Variants in RPS6KC1 observed in about 807,000 individuals in gnomAD.
RPS6KC1 encodes the protein ribosomal protein S6 kinase C1, also known as inactive ribosomal protein S6 kinase delta-1.
In RPS6KC1, 54 loss-of-function variants were observed where a neutral mutation model predicts 103.8. That is an observed-to-expected ratio of 0.52 (90% CI 0.42 to 0.65). The LOEUF (loss-of-function observed/expected upper bound fraction) is 0.65, where lower values mean the gene tolerates loss of function less well. Among genes scored for constraint, RPS6KC1 ranks in the 30% least tolerant of loss-of-function variants. The probability of loss-of-function intolerance (pLI) is 0.00; values close to 1 mark genes in which losing one functional copy is unlikely to be tolerated. For missense variants in RPS6KC1, 1,151 were observed against 1,253.8 expected (o/e 0.92, Z 1.24); for synonymous variants, 439 against 438.7 (o/e 1.00, Z -0.01).
At chr1:213,155,854 C>G (rs1362925679) in intron 6 of RPS6KC1, among the ~76,000 whole-genome samples, 1 of 152,058 alleles carries the variant, frequency 6.6e-6, no homozygotes, top group Non-Finnish European at 1.5e-5. Flanking sequence ...TCCACCGTCC[C>G]CACTCTCTCA....
chr1:213,521,974 C>G, the RPS6KC1 span, among the ~76,000 whole-genome samples: 1 of 152,210 alleles, frequency 6.6e-6, no homozygotes, highest in South Asian at 2.1e-4. Flanking sequence ...CTGTGAATCA[C>G]AAATGTTCTT....
the RPS6KC1 span, among the ~76,000 whole-genome samples, chr1:213,312,979 C>T: frequency 3.9e-5 from 6 of 152,158 alleles, no homozygotes; most frequent in Non-Finnish European, 7.3e-5. Flanking sequence ...AGACCCTTAA[C>T]TGCTGTTTTA....
chr1:213,151,894 C>G (rs1386336042), intron 6 of RPS6KC1, among the ~76,000 whole-genome samples: 2 of 117,788 alleles, frequency 1.7e-5, no homozygotes, highest in African/African-American at 6.8e-5. Context: ...CCCCCAACCT[C>G]CCTCCAAGAC....
At chr1:213,292,704 A>G in the RPS6KC1 span, among the ~76,000 whole-genome samples, 1 of 152,210 alleles carries the variant, frequency 6.6e-6, no homozygotes, top group Non-Finnish European at 1.5e-5. Flanking sequence ...TGATTTTCTA[A>G]AAGGAAGTGG....
chr1:213,625,878 C>T, the RPS6KC1 span, among the ~76,000 whole-genome samples: 8 of 152,044 alleles, frequency 5.3e-5, no homozygotes, highest in Non-Finnish European at 1.0e-4. Context: ...TGAATAGTGC[C>T]GCAATAAACA....
intron 8 of RPS6KC1, among the ~76,000 whole-genome samples, chr1:213,198,756 A>G (rs2093045649): frequency 4.6e-5 from 7 of 152,312 alleles, no homozygotes; most frequent in Admixed American, 3.9e-4. Flanking sequence ...AATTTTACCA[A>G]ATGTTTACAG....
the RPS6KC1 span, among the ~76,000 whole-genome samples, chr1:213,327,236 A>AAAGAAAG: frequency 6.2e-4 from 89 of 144,688 alleles, no homozygotes; most frequent in African/African-American, 2.1e-3. Flanking sequence ...GAAAGAAAAG[A>AAAGAAAG]AAAGAAAGAA....
At chr1:213,798,527 A>AC in the RPS6KC1 span, among the ~76,000 whole-genome samples, 3 of 151,868 alleles carry the variant, frequency 2.0e-5, no homozygotes, top group East Asian at 5.8e-4. Flanking sequence ...CTAGAGCTTG[A>AC]CCCCCAGCCT....
the RPS6KC1 span, among the ~76,000 whole-genome samples, chr1:213,724,695 T>G: frequency 6.0e-4 from 91 of 150,724 alleles, no homozygotes; most frequent in Middle Eastern, 6.8e-3. Flanking sequence ...AGGCCAGGAG[T>G]TTTCAAGACC....
chr1:213,641,193 T>C, the RPS6KC1 span, among the ~76,000 whole-genome samples: 1 of 152,214 alleles, frequency 6.6e-6, no homozygotes. Flanking sequence ...TTTATTGCTC[T>C]TTCAAGCACT....
chr1:213,106,987 C>G (rs185946522), intron 4 of RPS6KC1, among the ~76,000 whole-genome samples: 45 of 152,086 alleles, frequency 3.0e-4, no homozygotes, highest in Admixed American at 1.2e-3. Flanking sequence ...GTTGCCCAGG[C>G]TAGAGTGCAG....
chr1:213,251,360 C>A (rs1475540878), intron 12 of RPS6KC1, among the ~76,000 whole-genome samples: 1 of 152,166 alleles, frequency 6.6e-6, no homozygotes, highest in African/African-American at 2.4e-5. Flanking sequence ...CCTGCCTGGT[C>A]CTCTCAAAGT....
chr1:213,395,210 G>A, the RPS6KC1 span, among the ~76,000 whole-genome samples: 1 of 152,212 alleles, frequency 6.6e-6, no homozygotes, highest in Non-Finnish European at 1.5e-5. Context: ...TTGGGCTCTG[G>A]TGGGTGATTT....
chr1:213,346,365 A>C, the RPS6KC1 span, among the ~76,000 whole-genome samples: 1 of 152,234 alleles, frequency 6.6e-6, no homozygotes, highest in African/African-American at 2.4e-5. Flanking sequence ...ACAATAAAAA[A>C]AAATATCACC....
the RPS6KC1 span, among the ~76,000 whole-genome samples, chr1:213,431,033 G>T: frequency 2.8e-4 from 43 of 152,316 alleles, no homozygotes; most frequent in South Asian, 8.3e-3. Flanking sequence ...AGTGTGGGAA[G>T]GGGGAGGAGA....
At chr1:213,323,720 G>C in the RPS6KC1 span, among the ~76,000 whole-genome samples, 1 of 152,004 alleles carries the variant, frequency 6.6e-6, no homozygotes, top group Non-Finnish European at 1.5e-5. Flanking sequence ...TTTTAGAGCA[G>C]TTTTAGGTTC....
the RPS6KC1 span, among the ~76,000 whole-genome samples, chr1:213,431,401 C>T: frequency 1.3e-5 from 2 of 151,972 alleles, no homozygotes; most frequent in South Asian, 2.1e-4. Context: ...AACCAACAGG[C>T]ACATCAAGAG....
chr1:213,150,777 A>G (rs1036607318), intron 6 of RPS6KC1, among the ~76,000 whole-genome samples: 28 of 152,198 alleles, frequency 1.8e-4, no homozygotes, highest in African/African-American at 6.8e-4. Context: ...CTGCCTTTCT[A>G]TTCCACAAAG....
the RPS6KC1 span, among the ~76,000 whole-genome samples, chr1:213,712,792 C>T: frequency 6.6e-6 from 1 of 152,210 alleles, no homozygotes; most frequent in Non-Finnish European, 1.5e-5. Flanking sequence ...TTCAACTTCC[C>T]TGGTGAGGCA....
Sources: gnomAD v4.1 joint callset for allele counts (sites outside exome capture counted in the v4.1 genomes callset) on GRCh38, gnomAD v4.1.1 for gene constraint, MANE v1.5 for transcripts, NCBI Gene and HGNC (gene_info 2026-07-23, HGNC 2026-07-21) for gene names.